Variants in PALM2AKAP2 observed in about 807,000 individuals in gnomAD.
The protein encoded by PALM2AKAP2 is PALM2 and AKAP2 fusion.
Under a neutral mutation model 71.5 loss-of-function variants are expected in PALM2AKAP2, and 37 were observed. The observed-to-expected ratio is 0.52, with a 90% confidence interval of 0.40 to 0.68. The LOEUF (loss-of-function observed/expected upper bound fraction) is 0.68. Among genes scored for constraint, PALM2AKAP2 ranks in the 30% least tolerant of loss-of-function variants. PALM2AKAP2 has a pLI of 0.00. For synonymous variants in PALM2AKAP2, 468 were observed against 478.8 expected (o/e 0.98, Z 0.29); for missense variants, 1,224 against 1,191.8 (o/e 1.03, Z -0.40).
chr9:109,745,320 C>A (rs145229313), intron 1 of PALM2AKAP2, among the ~76,000 whole-genome samples: 6,497 of 152,070 alleles, frequency 0.043, 188 homozygotes, highest in Non-Finnish European at 0.053. Flanking sequence ...CCACTGCACT[C>A]CAGCCTGGGC....
intron 6 of PALM2AKAP2, chr9:109,943,528 C>G (rs950829583): frequency 6.9e-7 from 1 of 1,445,632 alleles, no homozygotes; most frequent in South Asian, 1.4e-5. Flanking sequence ...GAAGCAAACA[C>G]CTGCCTTGCC....
intron 1 of PALM2AKAP2, among the ~76,000 whole-genome samples, chr9:109,821,414 T>A (rs1439428054): frequency 6.6e-6 from 1 of 152,180 alleles, no homozygotes; most frequent in Non-Finnish European, 1.5e-5. Context: ...TATTATCTAG[T>A]CAAATGAATG....
Position 109,774,787 on chromosome 9 carries a change from C to A in PALM2AKAP2, c.6-5701C>A, listed in dbSNP as rs560673736. On this transcript the variant is annotated intron_variant, in intron 1 of 6. Transcript: ENST00000374531. ...ATCAAGATTACCATTTCCAGAGCACCTACCATGGCCAATCACAAGCCTTTT... is the reference window on the plus strand; with the variant it reads ...ATCAAGATTACCATTTCCAGAGCACATACCATGGCCAATCACAAGCCTTTT... 2.2e-4 allele frequency among the ~76,000 whole-genome samples: 33 copies of A among 152,298 alleles called. No homozygotes were observed. The South Asian group carries it at 6.4e-3, about 30-fold the overall frequency.
chr9:109,962,255 T>C (rs1020049281), intron 6 of PALM2AKAP2, among the ~76,000 whole-genome samples: 1 of 152,192 alleles, frequency 6.6e-6, no homozygotes, highest in African/African-American at 2.4e-5. Flanking sequence ...CACTGCCTGG[T>C]AAATACTGGC....
intron 1 of PALM2AKAP2, among the ~76,000 whole-genome samples, chr9:109,816,350 GAC>G (rs949859903): frequency 6.6e-6 from 1 of 152,176 alleles, no homozygotes; most frequent in African/African-American, 2.4e-5. Context: ...TAGGCGAAAA[GAC>G]ATAAAAATGA....
In PALM2AKAP2 at chr9:109,819,705, ATGTG is replaced by A. The variant is rs57864589; in HGVS notation, c.45+39198_45+39201del. ...AAGGCCTAATTATGTGTGTGTGTGT[ATGTG>A]TGTGTGTGTGTGTGTGTGTGTGTGT... On this transcript the variant is annotated intron_variant, in intron 1 of 9. Coordinates refer to the PALM2AKAP2 transcript ENST00000302798. 8.9e-4 allele frequency among the ~76,000 whole-genome samples: 125 copies of A among 140,712 alleles called. 1 individual carries two copies. The highest frequency in any genetic ancestry group is 7.2e-3 in the Middle Eastern group (2 of 278). The allele number at this position is 140,712 out of a possible 152,430, so 92.3% of individuals were successfully genotyped here.
intron 1 of PALM2AKAP2, among the ~76,000 whole-genome samples, chr9:109,825,674 A>G (rs1226703815): frequency 6.6e-6 from 1 of 152,240 alleles, no homozygotes; most frequent in Non-Finnish European, 1.5e-5. Context: ...ATACCATCTC[A>G]CACCAGTTAG....
chr9:109,901,862 C>T (rs959477676), intron 3 of PALM2AKAP2, among the ~76,000 whole-genome samples: 7 of 152,166 alleles, frequency 4.6e-5, no homozygotes, highest in Middle Eastern at 3.2e-3. Flanking sequence ...ACAAGTCATT[C>T]AAAAATCCCA....
At chr9:110,158,017 T>A (rs544580631) in intron 3 of PALM2AKAP2, among the ~76,000 whole-genome samples, 24 of 152,358 alleles carry the variant, frequency 1.6e-4, no homozygotes, top group African/African-American at 5.8e-4. Flanking sequence ...AGGCTGCAGC[T>A]ATTCTACTGG....
At chr9:109,922,959 C>CCTTAGCTCAGTTCCTGG in intron 3 of PALM2AKAP2, among the ~76,000 whole-genome samples, 1 of 152,184 alleles carries the variant, frequency 6.6e-6, no homozygotes, top group Non-Finnish European at 1.5e-5. Context: ...ATAAAATAAT[C>CCTTAGCTCAGTTCCTGG]CACATGAATT....
chr9:109,955,269 T>G (rs1831725264), intron 6 of PALM2AKAP2, among the ~76,000 whole-genome samples: 1 of 152,200 alleles, frequency 6.6e-6, no homozygotes, highest in Admixed American at 6.5e-5. Context: ...TCTAAGGGCA[T>G]TTTTAGTTTT....
intron 1 of PALM2AKAP2, among the ~76,000 whole-genome samples, chr9:109,644,482 C>G (rs1341517439): frequency 1.3e-5 from 2 of 152,094 alleles, no homozygotes; most frequent in African/African-American, 4.8e-5. Context: ...GAGATTAGCA[C>G]TGGTCAACAA....
At chr9:110,071,177 A>AAAAAAAAAAAAG (rs60977460) in intron 1 of PALM2AKAP2, among the ~76,000 whole-genome samples, 1 of 151,424 alleles carries the variant, frequency 6.6e-6, no homozygotes, top group Non-Finnish European at 1.5e-5. Context: ...AAAAAAAAAA[A>AAAAAAAAAAAAG]GAATTGGTAG....
intron 1 of PALM2AKAP2, among the ~76,000 whole-genome samples, chr9:110,082,049 C>T (rs1049768967): frequency 6.6e-6 from 1 of 152,110 alleles, no homozygotes; most frequent in South Asian, 2.1e-4. Context: ...TCATACTTTT[C>T]TGAATATATC....
rs562350883 is a variant in PALM2AKAP2, at chr9:109,866,893, C to G, written c.46-598C>G. The G allele has an allele frequency of 5.9e-4, 230 of 387,398 alleles. 2 individuals carry two copies. The highest frequency in any genetic ancestry group is 7.8e-4 in the Middle Eastern group (1 of 1,288). The allele number at this position is 387,398 out of a possible 1,614,324, so 24.0% of individuals were successfully genotyped here. On this transcript the variant is annotated intron_variant, in intron 1 of 9. Coordinates refer to the PALM2AKAP2 transcript ENST00000302798. Reference sequence around the variant, plus strand: ...CATATTTATCGTAACCTCAGCTGCCCCACCCACATGAAATGCTACCCCAAG... The same window carrying G: ...CATATTTATCGTAACCTCAGCTGCCGCACCCACATGAAATGCTACCCCAAG...
chr9:109,771,424 G>C (rs1829260264), intron 1 of PALM2AKAP2, among the ~76,000 whole-genome samples: 1 of 152,208 alleles, frequency 6.6e-6, no homozygotes, highest in Non-Finnish European at 1.5e-5. Context: ...CTCTGGGGAG[G>C]AGTGGAGGGT....
intron 1 of PALM2AKAP2, among the ~76,000 whole-genome samples, chr9:109,659,828 C>T (rs540100204): frequency 2.0e-5 from 3 of 152,080 alleles, no homozygotes; most frequent in Non-Finnish European, 2.9e-5. Context: ...ACAATAAGTG[C>T]ACTTCGAAAA....
chr9:109,977,287 TAGTG>T (rs569233563), intron 6 of PALM2AKAP2, among the ~76,000 whole-genome samples: 177 of 152,316 alleles, frequency 1.2e-3, no homozygotes, highest in African/African-American at 4.2e-3. Context: ...AGGATCCACT[TAGTG>T]AGAAACATTC....
chr9:110,141,451 G>A (rs1396502638), intron 2 of PALM2AKAP2, among the ~76,000 whole-genome samples: 1 of 152,178 alleles, frequency 6.6e-6, no homozygotes, highest in Non-Finnish European at 1.5e-5. Flanking sequence ...GGGCTTCCCA[G>A]AATTACAACA....
Sources: allele counts gnomAD v4.1 joint callset (sites outside exome capture counted in the v4.1 genomes callset), GRCh38; gene constraint gnomAD v4.1.1; transcripts MANE v1.5; gene names NCBI Gene and HGNC (gene_info 2026-07-23, HGNC 2026-07-21).